Variants in TET2 observed in about 807,000 individuals in gnomAD.
TET2 encodes tet methylcytosine dioxygenase 2.
Under a neutral mutation model 142.9 loss-of-function variants are expected in TET2, and 299 were observed. That is an observed-to-expected ratio of 2.09 (90% CI 1.90 to 2.30). TET2 has a LOEUF of 2.30. Among genes scored for constraint, TET2 ranks in the 30% most tolerant of loss-of-function variants. TET2 has a pLI of 0.00. For synonymous variants in TET2, 819 were observed against 849.0 expected (o/e 0.96, Z 0.61); for missense variants, 2,418 against 2,378.0 (o/e 1.02, Z -0.35).
intron 2 of TET2, among the ~76,000 whole-genome samples, chr4:105,214,031 A>G (rs1406720569): frequency 6.6e-6 from 1 of 151,836 alleles, no homozygotes; most frequent in African/African-American, 2.4e-5. Flanking sequence ...GCTAACTTTT[A>G]GTAGAAACAA....
intron 2 of TET2, among the ~76,000 whole-genome samples, chr4:105,193,936 G>T (rs1560741303): frequency 6.6e-6 from 1 of 152,074 alleles, no homozygotes; most frequent in South Asian, 2.1e-4. Flanking sequence ...TTTATAATAA[G>T]TTGGAGAGAC....
intron 1 of TET2, among the ~76,000 whole-genome samples, chr4:105,186,672 A>G (rs1481313551): frequency 6.6e-6 from 1 of 151,826 alleles, no homozygotes; most frequent in African/African-American, 2.4e-5. Context: ...GGGTTTCATC[A>G]TGTTGTCTAG....
At position 105,278,171 on chromosome 4, in the gene TET2, C is replaced by CATATAG. The variant is rs1553918864; in HGVS notation, c.*1657_*1658insGATATA. 8 of 113,940 alleles carry CATATAG rather than the reference C, an allele frequency of 7.0e-5. 1 individual carries two copies. Among genetic ancestry groups the CATATAG allele is most frequent in the African/African-American group, 3.3e-4 (8 of 24,396 alleles). The allele number at this position is 113,940 out of a possible 1,614,324, so 7.1% of individuals were successfully genotyped here. A position where few individuals can be genotyped will look rare whatever the true frequency, so the allele number is the denominator to read the frequency against. On this transcript the variant is annotated 3_prime_UTR_variant, in exon 11 of 11. Transcript: ENST00000380013. ...GTACTGTAAAAAAATTAAATATATA[C>CATATAG]ATATATATATATATATATATATATA...
intron 2 of TET2, among the ~76,000 whole-genome samples, chr4:105,211,586 A>G (rs1262139754): frequency 6.6e-6 from 1 of 152,216 alleles, no homozygotes; most frequent in Non-Finnish European, 1.5e-5. Flanking sequence ...CCCTAAAGTG[A>G]GAGTGTCCTA....
chr4:105,163,747 A>G (rs1000455187), intron 1 of TET2, among the ~76,000 whole-genome samples: 1 of 151,614 alleles, frequency 6.6e-6, no homozygotes, highest in Non-Finnish European at 1.5e-5. Context: ...ATCAATGTAA[A>G]TCAACTCTTA....
At position 105,247,714 on chromosome 4, in the gene TET2, C is replaced by CTTT. The variant is rs1206510081; in HGVS notation, c.3803+3959_3803+3961dup. 2.9e-3 allele frequency among the ~76,000 whole-genome samples: 187 copies of CTTT among 65,290 alleles called. 3 individuals carry two copies. The highest frequency in any genetic ancestry group is 0.017 in the Middle Eastern group (1 of 60). 42.8% of individuals were successfully genotyped at this position (65,290 alleles called of 152,430 possible). ...TAGTTTGACTGGTTCTTTTTCTTTT[C>CTTT]TTTTTTTTTTTTTTTTTTTTTTTTT... is the stretch of plus-strand genomic sequence containing the variant. On this transcript the variant is annotated intron_variant, in intron 6 of 10. Transcript: ENST00000380013.
At chr4:105,225,174 T>TA (rs1728107751) in intron 2 of TET2, among the ~76,000 whole-genome samples, 1 of 86,420 alleles carries the variant, frequency 1.2e-5, no homozygotes, top group Non-Finnish European at 2.4e-5. Flanking sequence ...CTGCACCATA[T>TA]AGTAAAAAAT....
At chr4:105,158,170 G>T (rs1028642582) in intron 1 of TET2, among the ~76,000 whole-genome samples, 5 of 152,114 alleles carry the variant, frequency 3.3e-5, no homozygotes, top group Admixed American at 3.3e-4. Context: ...TGACTTTAAA[G>T]ACACTTCTTG....
chr4:105,274,957 T>C (rs2110310571), intron 10 of TET2, 91 bp from the exon 11 acceptor site: 1 of 1,434,018 alleles, frequency 7.0e-7, no homozygotes, highest in Non-Finnish European at 9.2e-7. Flanking sequence ...GTGGAGTTTC[T>C]TACCTACATT....
At position 105,234,791 on chromosome 4, in the gene TET2, G is replaced by A. The variant is rs1293173144; in HGVS notation, c.849G>A (p.Glu283=). 6.2e-7 allele frequency: 1 copy of A among 1,613,890 alleles called. No homozygotes were observed. The highest frequency in any genetic ancestry group is 8.5e-7 in the Non-Finnish European group (1 of 1,179,918). The part of the protein sequence containing the change: ...QINSAQTSNS[E]LPPKPAAVVS... Reference sequence around the variant, plus strand: ...ATTCCGCACAGACCTCTAACTCTGAGCTGCCTCCAAAGCCAGCTGCAGTGG... The same window carrying A: ...ATTCCGCACAGACCTCTAACTCTGAACTGCCTCCAAAGCCAGCTGCAGTGG... The change falls in exon 3 of 11, where the codon GAG becomes GAA. Residue 283 remains glutamate (E), a synonymous_variant. Transcript: ENST00000380013.
At chr4:105,198,458 A>G (rs1726227525) in intron 2 of TET2, among the ~76,000 whole-genome samples, 1 of 152,252 alleles carries the variant, frequency 6.6e-6, no homozygotes. Flanking sequence ...TTTGATAATG[A>G]TATGGAAGAT....
At chr4:105,227,342 T>G (rs1200739458) in intron 2 of TET2, among the ~76,000 whole-genome samples, 1 of 152,190 alleles carries the variant, frequency 6.6e-6, no homozygotes, top group African/African-American at 2.4e-5. Flanking sequence ...TAATTTTGAT[T>G]GGCCAGCATC....
chr4:105,233,710 G>A (rs1377233137), intron 2 of TET2, among the ~76,000 whole-genome samples, 187 bp from the exon 3 acceptor site: 1 of 152,106 alleles, frequency 6.6e-6, no homozygotes, highest in Non-Finnish European at 1.5e-5. Context: ...ATGAAGACAA[G>A]AATGTTTATT....
chr4:105,225,185 CGTGTGTGTGTGT>C (rs79864807), intron 2 of TET2, among the ~76,000 whole-genome samples: 2 of 147,104 alleles, frequency 1.4e-5, no homozygotes, highest in South Asian at 2.2e-4. Flanking sequence ...AGTAAAAAAT[CGTGTGTGTGTGT>C]GTGTGTGTGT....
chr4:105,237,621 G>A (rs1170711278), intron 3 of TET2: 26 of 1,407,468 alleles, frequency 1.8e-5, no homozygotes, highest in East Asian at 2.7e-5. Flanking sequence ...AAATTTGAAT[G>A]TATCTGTTTT....
chr4:105,274,065 G>A (rs904560985), intron 10 of TET2, among the ~76,000 whole-genome samples: 4 of 152,162 alleles, frequency 2.6e-5, no homozygotes, highest in African/African-American at 9.7e-5. Context: ...AAATAATTTA[G>A]AATATGCTAA....
intron 1 of TET2, among the ~76,000 whole-genome samples, chr4:105,185,799 T>C (rs1390263697): frequency 6.6e-6 from 1 of 151,366 alleles, no homozygotes; most frequent in Admixed American, 6.6e-5. Context: ...AAAATAAAAA[T>C]AGAACAGTGA....
chr4:105,209,421 C>T (rs1005813686), intron 2 of TET2, among the ~76,000 whole-genome samples: 1 of 151,982 alleles, frequency 6.6e-6, no homozygotes, highest in African/African-American at 2.4e-5. Context: ...AGCTCACCAA[C>T]TTTGGATCTT....
At chr4:105,166,495 G>C (rs1724155876) in intron 1 of TET2, among the ~76,000 whole-genome samples, 1 of 150,074 alleles carries the variant, frequency 6.7e-6, no homozygotes, top group Non-Finnish European at 1.5e-5. Context: ...TGATTTTTCT[G>C]TTCTAATTTA....
Sources: allele counts gnomAD v4.1 joint callset (sites outside exome capture counted in the v4.1 genomes callset), GRCh38; gene constraint gnomAD v4.1.1; transcripts MANE v1.5; gene names NCBI Gene and HGNC (gene_info 2026-07-23, HGNC 2026-07-21).